PCNX1: variants seen among roughly 807,000 people sequenced by gnomAD.
PCNX1 encodes pecanex-like protein 1.
PCNX1 carries 78 observed loss-of-function variants against 242.2 expected under a neutral mutation model. The observed-to-expected ratio is 0.32, with a 90% CI of 0.27 to 0.39. PCNX1 has a LOEUF of 0.39. Ranked by LOEUF, PCNX1 falls within the 10% of genes least tolerant of loss-of-function variation. The probability of loss-of-function intolerance (pLI) is 1.00; values close to 1 mark genes in which losing one functional copy is unlikely to be tolerated. For missense variants in PCNX1, 2,581 were observed against 2,856.5 expected, an observed-to-expected ratio of 0.90 and a Z score of 2.20; for synonymous variants, 1,024 against 1,032.9, an observed-to-expected ratio of 0.99 and a Z score of 0.17.
intron 11 of PCNX1, 70 bp from the exon 12 acceptor site, chr14:71,018,939 T>C: frequency 1.5e-6 from 2 of 1,305,810 alleles, no homozygotes; most frequent in Admixed American, 4.2e-5. Flanking sequence ...ATGTCTTCCC[T>C]TCCCTTTTTT....
At chr14:71,037,295 A>G (rs1275542378) in intron 19 of PCNX1, among the ~76,000 whole-genome samples, 9 of 140,194 alleles carry the variant, frequency 6.4e-5, no homozygotes, top group South Asian at 2.5e-4. Context: ...TCTCCTGCCT[A>G]ATTGCCCTGG....
In PCNX1 at chr14:71,026,830, A is replaced by C. The variant is rs2060255378; in HGVS notation, c.3414A>C (p.Thr1138=). The change falls in exon 15 of 36, where the codon ACA becomes ACC. Residue 1138 remains threonine (T), a synonymous_variant. Transcript: ENST00000304743. ...TTGGTCTCCTGCCTCAGGTGAATAC[A>C]TTTGTAATGTACCTTTGTGAACAAT... is the stretch of plus-strand genomic sequence containing the variant. ...FFIGLLPQVN[T]FVMYLCEQLD... The C allele has an allele frequency of 1.3e-6, 2 of 1,585,258 alleles. No individual in the cohort carries two copies. The highest frequency in any genetic ancestry group is 1.3e-5 in the African/African-American group (1 of 74,312).
chr14:71,101,556 C>G (rs2062461428), intron 30 of PCNX1, among the ~76,000 whole-genome samples: 1 of 151,976 alleles, frequency 6.6e-6, no homozygotes, highest in Admixed American at 6.6e-5. Context: ...TATATTAGAA[C>G]CCATTTTAGA....
chr14:71,109,318 T>C, intron 34 of PCNX1, 134 bp from the exon 35 acceptor site: 1 of 880,346 alleles, frequency 1.1e-6, no homozygotes, highest in Non-Finnish European at 1.7e-6. Context: ...ATGTAGCTCT[T>C]AAGATTTTTT....
intron 1 of PCNX1, among the ~76,000 whole-genome samples, chr14:70,932,455 A>G (rs373519178): frequency 3.9e-5 from 6 of 152,080 alleles, no homozygotes; most frequent in East Asian, 3.8e-4. Context: ...GAGAGACAGT[A>G]AGACACAGGC....
rs755414003 is a variant in PCNX1, at chr14:70,908,043, G to A, written c.153+40G>A. ...GGGGAGCGGGTGGCTCCTTCCCCGC[G>A]AGCCGGTGGGGAGATGCTGGGGTCG... On this transcript the variant is annotated intron_variant, in intron 1 of 35. Transcript: ENST00000304743. 7 of 1,520,884 alleles carry A rather than the reference G, an allele frequency of 4.6e-6. No individual in the cohort carries two copies. In the South Asian group the frequency reaches 7.4e-5, roughly 16 times the overall value. 94.2% of individuals were successfully genotyped at this position (1,520,884 alleles called of 1,614,324 possible). A position where few individuals can be genotyped will look rare whatever the true frequency, so the allele number is the denominator to read the frequency against.
At position 71,109,608 on chromosome 14, in the gene PCNX1, A is replaced by T; in HGVS notation, c.6885+16A>T. ...GGAAGGCCATGTAAGTTCTTTTACA[A>T]GCTGGCGGTCTGGGGCTCTGCCTTT... On this transcript the variant is annotated intron_variant, in intron 35 of 35. Coordinates refer to ENST00000304743, the MANE Select transcript of PCNX1 (RefSeq NM_014982.3). 2 of 1,613,994 alleles carry T rather than the reference A, an allele frequency of 1.2e-6. No individual in the cohort carries two copies. Among genetic ancestry groups the T allele is most frequent in the South Asian group, 2.2e-5 (2 of 91,078 alleles).
chr14:70,982,309 T>G (rs2140173026), intron 6 of PCNX1, among the ~76,000 whole-genome samples: 1 of 152,220 alleles, frequency 6.6e-6, no homozygotes, highest in Non-Finnish European at 1.5e-5. Flanking sequence ...AGTAAATTAG[T>G]AGAAGGGATG....
chr14:71,025,155 A>G (rs1265819464), intron 13 of PCNX1, among the ~76,000 whole-genome samples: 1 of 152,154 alleles, frequency 6.6e-6, no homozygotes, highest in Non-Finnish European at 1.5e-5. Flanking sequence ...TATAAGGAAG[A>G]GCTTTCCCTT....
chr14:70,944,857 C>A (rs368207164), intron 1 of PCNX1, among the ~76,000 whole-genome samples: 1 of 152,220 alleles, frequency 6.6e-6, no homozygotes, highest in East Asian at 1.9e-4. Context: ...CTTCCCCGTT[C>A]GCTTGGTATT....
At chr14:71,101,131 T>A (rs1183205706) in intron 30 of PCNX1, among the ~76,000 whole-genome samples, 1 of 152,206 alleles carries the variant, frequency 6.6e-6, no homozygotes, top group Non-Finnish European at 1.5e-5. Context: ...ATAGCACAAA[T>A]TCTGGTCAGT....
intron 33 of PCNX1, among the ~76,000 whole-genome samples, chr14:71,107,592 G>A (rs910644563): frequency 2.6e-5 from 4 of 152,154 alleles, no homozygotes; most frequent in African/African-American, 4.8e-5. Context: ...AAAAAGACAA[G>A]TCTGAAGAAT....
At chr14:71,041,828 C>CTATACTAT in intron 19 of PCNX1, among the ~76,000 whole-genome samples, 1 of 150,256 alleles carries the variant, frequency 6.7e-6, no homozygotes, top group South Asian at 2.1e-4. Context: ...CTATACTATA[C>CTATACTAT]ACTTCCCTTT....
In PCNX1 at chr14:71,089,243, C is replaced by A. The variant is rs1218270100; in HGVS notation, c.5490C>A (p.Phe1830Leu). Residue 1830 changes from phenylalanine to leucine, a missense_variant, in exon 30 of 36, where the codon TTC becomes TTA. Phe to Leu is a conservative substitution (Grantham distance 22, BLOSUM62 0). Coordinates refer to ENST00000304743, the MANE Select transcript of PCNX1 (RefSeq NM_014982.3). ...TGCATGCCCTATTTAAAGGAGATTTCCGTATTTCTTCAATTCGAGATGAAT... is the reference window on the plus strand; with the variant it reads ...TGCATGCCCTATTTAAAGGAGATTTACGTATTTCTTCAATTCGAGATGAAT... Reference protein sequence around the residue: ...YGLHALFKGDFRISSIRDEWI... With the variant: ...YGLHALFKGDLRISSIRDEWI... 6.2e-7 allele frequency: 1 copy of A among 1,611,102 alleles called. No homozygotes were observed. Among genetic ancestry groups the A allele is most frequent in the Non-Finnish European group, 8.5e-7 (1 of 1,177,440 alleles).
intron 28 of PCNX1, among the ~76,000 whole-genome samples, chr14:71,084,605 C>T (rs2061937425): frequency 6.6e-6 from 1 of 152,196 alleles, no homozygotes; most frequent in African/African-American, 2.4e-5. Flanking sequence ...CTGTGGTGGG[C>T]TCTGCCTGGT....
At chr14:70,914,180 G>T (rs1428660239) in intron 1 of PCNX1, among the ~76,000 whole-genome samples, 1 of 152,130 alleles carries the variant, frequency 6.6e-6, no homozygotes, top group Non-Finnish European at 1.5e-5. Flanking sequence ...AAATACTGGG[G>T]ATTCCAAAAG....
At chr14:70,942,317 GT>G (rs1056100685) in intron 1 of PCNX1, among the ~76,000 whole-genome samples, 1 of 151,882 alleles carries the variant, frequency 6.6e-6, no homozygotes, top group African/African-American at 2.4e-5. Flanking sequence ...AATTAAAAAG[GT>G]TTTTTTTAAA....
At chr14:71,033,019 T>C (rs568598981) in intron 16 of PCNX1, among the ~76,000 whole-genome samples, 4 of 152,342 alleles carry the variant, frequency 2.6e-5, no homozygotes, top group African/African-American at 9.6e-5. Context: ...TAATATATCA[T>C]GTGTTGTCTT....
chr14:70,994,211 A>G (rs2059257899), intron 7 of PCNX1, among the ~76,000 whole-genome samples: 1 of 151,790 alleles, frequency 6.6e-6, no homozygotes, highest in African/African-American at 2.4e-5. Context: ...GTAGACACTA[A>G]CTACTCACTA....
Sources: gnomAD v4.1 joint callset for allele counts (sites outside exome capture counted in the v4.1 genomes callset) on GRCh38, gnomAD v4.1.1 for gene constraint, MANE v1.5 for transcripts, NCBI Gene and HGNC (gene_info 2026-07-23, HGNC 2026-07-21) for gene names.